The following UBE2G1 variants were observed in gnomAD, a reference collection of about 807,000 sequenced individuals.
UBE2G1 encodes the protein ubiquitin-conjugating enzyme E2 G1.
UBE2G1 carries 5 observed loss-of-function variants against 22.7 expected under a neutral mutation model. The ratio of observed to expected loss-of-function variants is 0.22; its 90% CI spans 0.12 to 0.46. The LOEUF is 0.46. UBE2G1 is among the 20% of genes least tolerant of loss of function. The probability of loss-of-function intolerance (pLI) is 0.99; values close to 1 mark genes in which losing one functional copy is unlikely to be tolerated. For synonymous variants in UBE2G1, 74 were observed against 67.5 expected (o/e 1.10, Z -0.47); for missense variants, 88 against 203.9 (o/e 0.43, Z 3.46).
At chr17:4,356,828 A>C (rs892055612) in intron 1 of UBE2G1, among the ~76,000 whole-genome samples, 1 of 152,210 alleles carries the variant, frequency 6.6e-6, no homozygotes, top group Non-Finnish European at 1.5e-5. Context: ...TATAACTACA[A>C]ATATTAAGTT....
At chr17:4,365,295 T>C (rs1041858359) in intron 1 of UBE2G1, among the ~76,000 whole-genome samples, 6 of 152,196 alleles carry the variant, frequency 3.9e-5, no homozygotes, top group African/African-American at 7.2e-5. Context: ...TGGGGCTGCA[T>C]TGTGAAGCCA....
intron 1 of UBE2G1, among the ~76,000 whole-genome samples, chr17:4,359,609 G>C (rs1029093402): frequency 6.6e-6 from 1 of 152,140 alleles, no homozygotes; most frequent in African/African-American, 2.4e-5. Context: ...GATGGCTCAC[G>C]CCTGTAATCC....
At chr17:4,281,201 G>C (rs1319045022) in intron 5 of UBE2G1, among the ~76,000 whole-genome samples, 1 of 152,130 alleles carries the variant, frequency 6.6e-6, no homozygotes, top group Admixed American at 6.5e-5. Flanking sequence ...AATTTACCCA[G>C]TGTAATAGCA....
chr17:4,299,827 GTTT>G (rs34357475), intron 2 of UBE2G1, among the ~76,000 whole-genome samples: 6 of 116,536 alleles, frequency 5.1e-5, no homozygotes, highest in Non-Finnish European at 7.6e-5. Flanking sequence ...CCTTTTTTTA[GTTT>G]TTTTTTTTTT....
chr17:4,296,897 G>T, intron 2 of UBE2G1, 83 bp from the exon 3 acceptor site: 1 of 1,225,398 alleles, frequency 8.2e-7, no homozygotes. Flanking sequence ...ATAAAACAAG[G>T]GTGCTAGCAC....
At chr17:4,353,503 G>T (rs907801810) in intron 1 of UBE2G1, among the ~76,000 whole-genome samples, 1 of 149,566 alleles carries the variant, frequency 6.7e-6, no homozygotes, top group Non-Finnish European at 1.5e-5. Flanking sequence ...TCACACCCCA[G>T]CATTTTTTTT....
chr17:4,283,452 A>T (rs974559125), intron 4 of UBE2G1, among the ~76,000 whole-genome samples: 3 of 152,162 alleles, frequency 2.0e-5, no homozygotes, highest in Non-Finnish European at 4.4e-5. Flanking sequence ...GTGACCTGAG[A>T]TGGTGCCACT....
At chr17:4,288,462 G>A (rs1227860117) in intron 4 of UBE2G1, among the ~76,000 whole-genome samples, 5 of 152,026 alleles carry the variant, frequency 3.3e-5, no homozygotes, top group African/African-American at 7.3e-5. Flanking sequence ...TCCTGACCTC[G>A]TGATCCACCC....
chr17:4,315,943 G>T (rs1032899926), intron 1 of UBE2G1, among the ~76,000 whole-genome samples: 1 of 149,198 alleles, frequency 6.7e-6, no homozygotes, highest in Admixed American at 6.7e-5. Flanking sequence ...GAGTAGCTGG[G>T]ACTACAGGCG....
chr17:4,292,718 A>C (rs1276438775), intron 3 of UBE2G1, among the ~76,000 whole-genome samples: 1 of 152,050 alleles, frequency 6.6e-6, no homozygotes, highest in Non-Finnish European at 1.5e-5. Context: ...TCTAGTTTTC[A>C]TTTTCCTTAA....
chr17:4,285,451 G>A (rs1049057241), intron 4 of UBE2G1, among the ~76,000 whole-genome samples: 4 of 152,032 alleles, frequency 2.6e-5, no homozygotes, highest in Non-Finnish European at 5.9e-5. Context: ...AAGTATAAGG[G>A]AAAAATAAAA....
At chr17:4,352,741 T>C (rs1969858467) in intron 1 of UBE2G1, among the ~76,000 whole-genome samples, 1 of 152,174 alleles carries the variant, frequency 6.6e-6, no homozygotes, top group African/African-American at 2.4e-5. Context: ...ATTTTCACCA[T>C]TCCTACAGAG....
At chr17:4,359,661 G>C (rs1269901323) in intron 1 of UBE2G1, among the ~76,000 whole-genome samples, 1 of 152,138 alleles carries the variant, frequency 6.6e-6, no homozygotes, top group Admixed American at 6.5e-5. Context: ...AGACCATCCT[G>C]GCCAACATGG....
At chr17:4,365,801 T>C (rs541994913) in intron 1 of UBE2G1, among the ~76,000 whole-genome samples, 2 of 152,230 alleles carry the variant, frequency 1.3e-5, no homozygotes, top group South Asian at 2.1e-4. Context: ...GCGCCTCACC[T>C]ATCCCGCCAG....
chr17:4,274,747 GAC>G (rs1968802094), intron 5 of UBE2G1, among the ~76,000 whole-genome samples: 1 of 151,978 alleles, frequency 6.6e-6, no homozygotes, highest in South Asian at 2.1e-4. Flanking sequence ...AAAATCAAAA[GAC>G]ATACACTGAA....
intron 1 of UBE2G1, among the ~76,000 whole-genome samples, chr17:4,325,862 A>G (rs1969499625): frequency 2.0e-5 from 3 of 152,348 alleles, no homozygotes; most frequent in Non-Finnish European, 2.9e-5. Flanking sequence ...AGACCGCTCA[A>G]TGAGGAAAGA....
At chr17:4,306,826 A>C (rs1377778686) in intron 2 of UBE2G1, among the ~76,000 whole-genome samples, 195 bp downstream of exon 2, 1 of 151,888 alleles carries the variant, frequency 6.6e-6, no homozygotes, top group Admixed American at 6.6e-5. Flanking sequence ...TAATTTTTGT[A>C]TTTTTAGTAG....
chr17:4,307,001 G>A lies in UBE2G1; in HGVS notation c.149+20C>T. On this transcript the variant is annotated intron_variant, in intron 2 of 5. Coordinates refer to ENST00000396981, the MANE Select transcript of UBE2G1 (RefSeq NM_003342.5). ...ATTAAAAGAGCTCCATTTTGAAGATGTCAGTTCCATTATACTTACTAAAGT... is the reference window on the plus strand; with the variant it reads ...ATTAAAAGAGCTCCATTTTGAAGATATCAGTTCCATTATACTTACTAAAGT... 6.3e-7 allele frequency: 1 copy of A among 1,598,588 alleles called. No individual in the cohort carries two copies. Among genetic ancestry groups the A allele is most frequent in the South Asian group, 1.1e-5 (1 of 90,710 alleles).
At chr17:4,324,128 A>C (rs1332185344) in intron 1 of UBE2G1, among the ~76,000 whole-genome samples, 1 of 152,202 alleles carries the variant, frequency 6.6e-6, no homozygotes, top group African/African-American at 2.4e-5. Context: ...TTAACCCAAG[A>C]ATGTGTATCT....
Sources: gnomAD v4.1 joint callset for allele counts (sites outside exome capture counted in the v4.1 genomes callset) on GRCh38, gnomAD v4.1.1 for gene constraint, MANE v1.5 for transcripts, NCBI Gene and HGNC (gene_info 2026-07-23, HGNC 2026-07-21) for gene names.